SGCD: variants seen among roughly 807,000 people sequenced by gnomAD.
SGCD encodes sarcoglycan delta.
A neutral mutation model predicts 36.6 loss-of-function variants in SGCD; 18 were observed. The observed-to-expected ratio is 0.49, with a 90% CI of 0.34 to 0.73. SGCD has a LOEUF of 0.73. SGCD is among the 30% of genes least tolerant of loss of function. SGCD has a pLI of 0.01. For synonymous variants in SGCD, 133 were observed against 130.6 expected, an observed-to-expected ratio of 1.02 and a Z score of -0.12; for missense variants, 387 against 346.7, an observed-to-expected ratio of 1.12 and a Z score of -0.92.
chr5:156,735,341 TAAGCCACCCAAACAGCACA>T (rs1756297963), intron 7 of SGCD, among the ~76,000 whole-genome samples: 1 of 152,112 alleles, frequency 6.6e-6, no homozygotes. Flanking sequence ...CTGGAACTAC[TAAGCCACCCAAACAGCACA>T]GATGGCAGCC....
At chr5:155,847,053 C>T in the SGCD span, among the ~76,000 whole-genome samples, 6 of 152,160 alleles carry the variant, frequency 3.9e-5, no homozygotes, top group East Asian at 1.2e-3. Context: ...TTGTACCATT[C>T]TTAGTGAGAA....
intron 1 of SGCD, among the ~76,000 whole-genome samples, chr5:156,095,557 G>T (rs1220206185): frequency 6.6e-6 from 1 of 152,112 alleles, no homozygotes; most frequent in Admixed American, 6.6e-5. Flanking sequence ...ACAGAGTCTG[G>T]AACGGTTATG....
intron 6 of SGCD, among the ~76,000 whole-genome samples, chr5:156,620,252 G>T (rs188026036): frequency 6.6e-6 from 1 of 152,254 alleles, no homozygotes; most frequent in Non-Finnish European, 1.5e-5. Flanking sequence ...CACCTAATGA[G>T]TACCTGATAT....
At chr5:156,097,896 AT>A (rs1233761320) in intron 1 of SGCD, among the ~76,000 whole-genome samples, 1 of 152,094 alleles carries the variant, frequency 6.6e-6, no homozygotes, top group African/African-American at 2.4e-5. Flanking sequence ...TATTGGTCAA[AT>A]TTTGTGGGCT....
rs986633016 is a variant in SGCD, at chr5:156,084,900, G to A, written c.-281-32978G>A. ...CTTGCTGTGAATTTTATCATGAATG[G>A]ATGTCACATTTGGACAAGTGCTTTT... On this transcript the variant is annotated intron_variant, in intron 1 of 9. Coordinates refer to the SGCD transcript ENST00000517913. Among the ~76,000 whole-genome samples the A allele has an allele frequency of 3.9e-5, 6 of 152,214 alleles. No individual in the cohort carries two copies. In the South Asian group the frequency reaches 1.0e-3, roughly 26 times the overall value.
chr5:156,311,182 C>G (rs1273732571), intron 3 of SGCD, among the ~76,000 whole-genome samples: 1 of 152,156 alleles, frequency 6.6e-6, no homozygotes, highest in Non-Finnish European at 1.5e-5. Context: ...TCCTTTCTCT[C>G]CAATTCTCTG....
At chr5:156,551,538 T>C (rs538769608) in intron 4 of SGCD, among the ~76,000 whole-genome samples, 4 of 151,986 alleles carry the variant, frequency 2.6e-5, no homozygotes, top group African/African-American at 9.7e-5. Flanking sequence ...GTATCTTTAA[T>C]GCCTAGAACA....
intron 1 of SGCD, among the ~76,000 whole-genome samples, chr5:156,078,312 G>C (rs1760845613): frequency 1.3e-5 from 2 of 151,540 alleles, no homozygotes; most frequent in East Asian, 1.9e-4. Flanking sequence ...TCAGAAGTTT[G>C]AGACAAGCCT....
At chr5:156,666,898 G>A (rs546469230) in intron 7 of SGCD, among the ~76,000 whole-genome samples, 1 of 152,288 alleles carries the variant, frequency 6.6e-6, no homozygotes, top group East Asian at 1.9e-4. Flanking sequence ...AGTGAGTTGA[G>A]ATCATGCCAC....
chr5:156,143,844 A>G (rs1762636748), intron 3 of SGCD, among the ~76,000 whole-genome samples: 1 of 150,004 alleles, frequency 6.7e-6, no homozygotes, highest in Non-Finnish European at 1.5e-5. Flanking sequence ...CCATTAACTC[A>G]TCATTTAGCA....
chr5:156,412,753 A>G (rs548238120), intron 3 of SGCD, among the ~76,000 whole-genome samples: 74 of 152,088 alleles, frequency 4.9e-4, no homozygotes, highest in Middle Eastern at 3.4e-3. Context: ...TACAAAGCAC[A>G]AGAGATGGCA....
chr5:156,472,180 T>C (rs1755000937), intron 3 of SGCD, among the ~76,000 whole-genome samples: 1 of 152,120 alleles, frequency 6.6e-6, no homozygotes, highest in Admixed American at 6.6e-5. Context: ...CGTAACTACG[T>C]TGGAGAATTG....
Position 156,062,020 on chromosome 5 carries a change from G to T in SGCD, c.-281-55858G>T. On this transcript the variant is annotated intron_variant, in intron 1 of 9. Transcript: ENST00000517913. ...ATATGTATACATGTGCCATGCTGGT[G>T]CGCTGCACCCACTAATGTGTCATCT... Among the ~76,000 whole-genome samples, 2 of 87,822 alleles carry T rather than the reference G, an allele frequency of 2.3e-5. 1 individual carries two copies. Among genetic ancestry groups the T allele is most frequent in the Non-Finnish European group, 4.3e-5 (2 of 46,860 alleles). 57.6% of individuals were successfully genotyped at this position (87,822 alleles called of 152,430 possible).
the SGCD span, among the ~76,000 whole-genome samples, chr5:155,754,596 G>A: frequency 1.3e-5 from 2 of 152,222 alleles, no homozygotes; most frequent in Non-Finnish European, 2.9e-5. Context: ...ACATTGTATT[G>A]CACTGGTGTG....
At chr5:156,022,261 A>T (rs1759121278) in intron 1 of SGCD, among the ~76,000 whole-genome samples, 1 of 152,134 alleles carries the variant, frequency 6.6e-6, no homozygotes, top group African/African-American at 2.4e-5. Context: ...GTAATATTTT[A>T]TGTTTGTTGT....
At chr5:156,003,838 C>T (rs887683825) in intron 1 of SGCD, among the ~76,000 whole-genome samples, 2 of 152,132 alleles carry the variant, frequency 1.3e-5, no homozygotes, top group African/African-American at 4.8e-5. Context: ...GGAGAGAAAA[C>T]CTGCTACTGA....
At chr5:155,881,561 G>T (rs1580968683) in intron 1 of SGCD, among the ~76,000 whole-genome samples, 1 of 152,166 alleles carries the variant, frequency 6.6e-6, no homozygotes, top group African/African-American at 2.4e-5. Context: ...GATAGCTGCT[G>T]ACTGATCAGA....
the SGCD span, among the ~76,000 whole-genome samples, chr5:155,859,043 T>G: frequency 2.0e-5 from 3 of 151,904 alleles, no homozygotes; most frequent in Non-Finnish European, 4.4e-5. Flanking sequence ...TTTTTATTTT[T>G]TCATATCAGG....
chr5:156,534,106 C>G (rs942706493), intron 4 of SGCD, among the ~76,000 whole-genome samples: 2 of 151,822 alleles, frequency 1.3e-5, no homozygotes, highest in African/African-American at 4.8e-5. Context: ...TAAGAGTTTT[C>G]CAGGTTATTT....
Sources: allele counts gnomAD v4.1 joint callset (sites outside exome capture counted in the v4.1 genomes callset), GRCh38; gene constraint gnomAD v4.1.1; transcripts MANE v1.5; gene names NCBI Gene and HGNC (gene_info 2026-07-23, HGNC 2026-07-21).